SLC35F4: variants seen among roughly 807,000 people sequenced by gnomAD.
The protein encoded by SLC35F4 is solute carrier family 35 member F4.
Under a neutral mutation model 44.2 loss-of-function variants are expected in SLC35F4, and 24 were observed. The observed-to-expected ratio is 0.54, with a 90% confidence interval of 0.39 to 0.76. SLC35F4 has a LOEUF of 0.76. Among genes scored for constraint, SLC35F4 ranks in the 30% least tolerant of loss-of-function variants. The probability of loss-of-function intolerance (pLI) is 0.00; values close to 1 mark genes in which losing one functional copy is unlikely to be tolerated. For synonymous variants in SLC35F4, 238 were observed against 223.6 expected, an observed-to-expected ratio of 1.06 and a Z score of -0.57; for missense variants, 562 against 586.1, an observed-to-expected ratio of 0.96 and a Z score of 0.42.
chr14:57,710,784 C>T (rs1449918816), intron 1 of SLC35F4, among the ~76,000 whole-genome samples: 5 of 152,006 alleles, frequency 3.3e-5, no homozygotes, highest in Non-Finnish European at 5.9e-5. Context: ...TGGCCAACTT[C>T]TCCTGCTTGG....
intron 1 of SLC35F4, among the ~76,000 whole-genome samples, chr14:57,654,212 G>A (rs969272450): frequency 6.6e-6 from 1 of 152,054 alleles, no homozygotes; most frequent in Non-Finnish European, 1.5e-5. Context: ...CTTTAGTGGC[G>A]ATTTCTGGGG....
chr14:57,752,600 A>G (rs941654024), intron 1 of SLC35F4, among the ~76,000 whole-genome samples: 1 of 151,992 alleles, frequency 6.6e-6, no homozygotes, highest in African/African-American at 2.4e-5. Context: ...AACTGGGACT[A>G]CAGGCGCACA....
chr14:57,935,410 T>C (rs1172131304), intron 1 of SLC35F4, among the ~76,000 whole-genome samples: 3 of 152,110 alleles, frequency 2.0e-5, no homozygotes, highest in Non-Finnish European at 4.4e-5. Flanking sequence ...AAAGGGTAAG[T>C]AGTCAAGGCA....
intron 1 of SLC35F4, among the ~76,000 whole-genome samples, chr14:57,952,438 T>C (rs527704882): frequency 6.6e-6 from 1 of 152,110 alleles, no homozygotes; most frequent in African/African-American, 2.4e-5. Flanking sequence ...GAGAATGAGT[T>C]TGACTAATTG....
At chr14:57,603,291 A>AT (rs1012648509) in intron 1 of SLC35F4, among the ~76,000 whole-genome samples, 6 of 152,252 alleles carry the variant, frequency 3.9e-5, no homozygotes, top group Non-Finnish European at 2.9e-5. Flanking sequence ...AGAACAAACA[A>AT]TTTTTTTAAA....
intron 1 of SLC35F4, among the ~76,000 whole-genome samples, chr14:57,750,030 C>A (rs558831634): frequency 6.6e-6 from 1 of 152,220 alleles, no homozygotes; most frequent in African/African-American, 2.4e-5. Flanking sequence ...AATTTCTCAT[C>A]ATCCACCCCT....
rs565593637 is a variant in SLC35F4, at chr14:57,714,107, G to C, written c.104-119983C>G. ...ACATTTATTGATACAAACTTAGCAT[G>C]TGAAAGGAGAAATGCCTACTCAGAA... On this transcript the variant is annotated intron_variant, in intron 1 of 7. Transcript: ENST00000556826. 5.9e-5 allele frequency among the ~76,000 whole-genome samples: 9 copies of C among 152,296 alleles called. No homozygotes were observed. The East Asian group carries it at 1.2e-3, about 20-fold the overall frequency.
chr14:57,757,741 T>A (rs1215059930), intron 1 of SLC35F4, among the ~76,000 whole-genome samples: 1 of 152,162 alleles, frequency 6.6e-6, no homozygotes, highest in Non-Finnish European at 1.5e-5. Context: ...GACTATACTG[T>A]TGTTTTTGCT....
chr14:57,865,469 C>T (rs550297989), intron 1 of SLC35F4, among the ~76,000 whole-genome samples: 2 of 152,304 alleles, frequency 1.3e-5, no homozygotes, highest in South Asian at 4.1e-4. Flanking sequence ...TCCGCACCTC[C>T]CCCCAAGGCT....
At chr14:57,731,205 C>T (rs547249307) in intron 1 of SLC35F4, among the ~76,000 whole-genome samples, 1 of 152,252 alleles carries the variant, frequency 6.6e-6, no homozygotes, top group South Asian at 2.1e-4. Context: ...AAACAAGACA[C>T]ACTAAAGGTG....
At chr14:57,977,967 T>A (rs1227595556) in intron 1 of SLC35F4, among the ~76,000 whole-genome samples, 1 of 152,172 alleles carries the variant, frequency 6.6e-6, no homozygotes, top group Non-Finnish European at 1.5e-5. Flanking sequence ...TTTGGTTGTT[T>A]GGTCAGGATT....
chr14:57,879,887 AGAGT>A (rs1888481411), intron 1 of SLC35F4, among the ~76,000 whole-genome samples: 1 of 151,670 alleles, frequency 6.6e-6, no homozygotes. Context: ...TATTTAGCAC[AGAGT>A]AAGTGGGGAA....
At chr14:57,669,005 T>C (rs1266558694) in intron 1 of SLC35F4, among the ~76,000 whole-genome samples, 2 of 152,184 alleles carry the variant, frequency 1.3e-5, no homozygotes, top group East Asian at 1.9e-4. Flanking sequence ...TTTTATTTCA[T>C]TGAGCAGTGG....
chr14:57,655,075 T>C (rs11846879), intron 1 of SLC35F4, among the ~76,000 whole-genome samples: 11,229 of 152,182 alleles, frequency 0.074, 505 homozygotes, highest in South Asian at 0.098. Flanking sequence ...ACCCTGTCAA[T>C]TGAGTGTGTT....
intron 1 of SLC35F4, among the ~76,000 whole-genome samples, chr14:57,925,523 G>GAGGAAGGAAGGAAGGAAGGA (rs1566931012): frequency 1.1e-4 from 11 of 100,318 alleles, no homozygotes; most frequent in South Asian, 4.8e-4. Flanking sequence ...GGGAGGGAGG[G>GAGGAAGGAAGGAAGGAAGGA]AGGGAGGGAG....
intron 1 of SLC35F4, among the ~76,000 whole-genome samples, chr14:57,651,222 G>A (rs1192093338): frequency 3.3e-5 from 5 of 152,180 alleles, no homozygotes; most frequent in Non-Finnish European, 4.4e-5. Flanking sequence ...TTGACTGACT[G>A]ATTAAATGAA....
chr14:57,743,940 T>C (rs1044972434), intron 1 of SLC35F4, among the ~76,000 whole-genome samples: 1 of 152,182 alleles, frequency 6.6e-6, no homozygotes, highest in African/African-American at 2.4e-5. Context: ...TCAATAAACA[T>C]AATCCAGCAT....
At chr14:57,610,846 T>C (rs1362287145) in intron 1 of SLC35F4, among the ~76,000 whole-genome samples, 1 of 152,192 alleles carries the variant, frequency 6.6e-6, no homozygotes, top group Non-Finnish European at 1.5e-5. Flanking sequence ...CAGACCCGAA[T>C]TGATAAAACA....
chr14:57,714,355 T>A (rs77762230), intron 1 of SLC35F4, among the ~76,000 whole-genome samples: 1 of 152,276 alleles, frequency 6.6e-6, no homozygotes, highest in African/African-American at 2.4e-5. Flanking sequence ...TTCACTCTTT[T>A]GAGATGTTCT....
Sources: gnomAD v4.1 joint callset for allele counts (sites outside exome capture counted in the v4.1 genomes callset) on GRCh38, gnomAD v4.1.1 for gene constraint, MANE v1.5 for transcripts, NCBI Gene and HGNC (gene_info 2026-07-23, HGNC 2026-07-21) for gene names.